RBFOX3: variants seen among roughly 807,000 people sequenced by gnomAD.
The protein encoded by RBFOX3 is RNA binding fox-1 homolog 3, also known as RNA binding protein fox-1 homolog 3.
Under a neutral mutation model 48.7 loss-of-function variants are expected in RBFOX3, and 17 were observed. The ratio of observed to expected loss-of-function variants is 0.35; its 90% CI spans 0.24 to 0.52. The LOEUF (loss-of-function observed/expected upper bound fraction) is 0.52, where lower values mean the gene tolerates loss of function less well. Ranked by LOEUF, RBFOX3 falls within the 20% of genes least tolerant of loss-of-function variation. The pLI is 0.94. For synonymous variants in RBFOX3, 212 were observed against 209.5 expected (o/e 1.01, Z -0.10); for missense variants, 382 against 497.5 (o/e 0.77, Z 2.21).
At chr17:79,431,487 A>T (rs1298309201) in intron 2 of RBFOX3, among the ~76,000 whole-genome samples, 1 of 121,420 alleles carries the variant, frequency 8.2e-6, no homozygotes, top group African/African-American at 3.2e-5. Context: ...TGCCTGGCTA[A>T]TTTTTTTTTT....
chr17:79,201,091 T>TAACAACAACAACGAC (rs913812451), intron 4 of RBFOX3, among the ~76,000 whole-genome samples: 18 of 148,176 alleles, frequency 1.2e-4, no homozygotes, highest in Non-Finnish European at 2.2e-4. Flanking sequence ...CATCACTTCT[T>TAACAACAACAACGAC]AACAACAACA....
intron 2 of RBFOX3, among the ~76,000 whole-genome samples, chr17:79,406,916 C>T (rs368746917): frequency 5.3e-5 from 8 of 152,334 alleles, no homozygotes; most frequent in African/African-American, 9.6e-5. Context: ...TGGATCTGCA[C>T]GGACTTCCAT....
chr17:79,101,107 G>A (rs2146451820), intron 9 of RBFOX3, among the ~76,000 whole-genome samples: 1 of 152,296 alleles, frequency 6.6e-6, no homozygotes, highest in South Asian at 2.1e-4. Context: ...CTGTTTTGCA[G>A]ATGAAGAGAC....
intron 5 of RBFOX3, 26 bp from the exon 6 acceptor site, chr17:79,106,814 A>G: frequency 6.7e-7 from 1 of 1,489,410 alleles, no homozygotes; most frequent in Non-Finnish European, 8.9e-7. Context: ...TGGGCTGTGG[A>G]GGCTGCCTCT....
chr17:79,495,864 A>G (rs1489693050), intron 1 of RBFOX3, among the ~76,000 whole-genome samples: 1 of 151,632 alleles, frequency 6.6e-6, no homozygotes, highest in Non-Finnish European at 1.5e-5. Flanking sequence ...GTTAAGGCAG[A>G]GGCCCCTGTG....
chr17:79,273,568 T>TGG (rs34392209), intron 3 of RBFOX3, among the ~76,000 whole-genome samples: 763 of 65,396 alleles, frequency 0.012, 5 homozygotes, highest in Admixed American at 0.02. Context: ...AACAGTGCTC[T>TGG]GGGGGGGGCG....
At chr17:79,543,274 G>T (rs1555790883) in intron 1 of RBFOX3, among the ~76,000 whole-genome samples, 1 of 152,134 alleles carries the variant, frequency 6.6e-6, no homozygotes, top group East Asian at 1.9e-4. Flanking sequence ...GACGTTACAG[G>T]TGCGAGTTTG....
intron 4 of RBFOX3, among the ~76,000 whole-genome samples, chr17:79,170,560 C>T (rs1375349475): frequency 1.3e-5 from 2 of 152,130 alleles, no homozygotes; most frequent in Non-Finnish European, 2.9e-5. Context: ...CAGAAACCAG[C>T]TGTTCTACAG....
chr17:79,101,528 G>A (rs1250534383), intron 9 of RBFOX3, 56 bp downstream of exon 9: 31 of 1,457,578 alleles, frequency 2.1e-5, no homozygotes, highest in Non-Finnish European at 2.8e-5. Context: ...GCTCCCCCAG[G>A]GCCTCTGTCC....
chr17:79,484,699 C>T (rs797037649), intron 1 of RBFOX3, among the ~76,000 whole-genome samples: 5 of 152,046 alleles, frequency 3.3e-5, no homozygotes, highest in East Asian at 3.9e-4. Flanking sequence ...AGAAAGCAGG[C>T]GGCAGGCTTC....
chr17:79,386,073 A>G (rs544960523), intron 2 of RBFOX3, among the ~76,000 whole-genome samples: 1 of 146,654 alleles, frequency 6.8e-6, no homozygotes, highest in South Asian at 2.2e-4. Flanking sequence ...ATCACCCTCC[A>G]TTGCAGACAG....
chr17:79,572,765 G>A (rs1279509625), intron 1 of RBFOX3, among the ~76,000 whole-genome samples: 4 of 152,326 alleles, frequency 2.6e-5, no homozygotes, highest in African/African-American at 9.6e-5. Flanking sequence ...AAAGACCTGG[G>A]GAAGCTCAGC....
At chr17:79,177,323 C>T (rs1391353809) in intron 4 of RBFOX3, among the ~76,000 whole-genome samples, 1 of 152,224 alleles carries the variant, frequency 6.6e-6, no homozygotes, top group African/African-American at 2.4e-5. Flanking sequence ...GCTATCTTGG[C>T]CTCCACCTCC....
intron 4 of RBFOX3, among the ~76,000 whole-genome samples, chr17:79,215,711 G>T (rs2058948472): frequency 6.6e-6 from 1 of 152,262 alleles, no homozygotes; most frequent in Non-Finnish European, 1.5e-5. Flanking sequence ...ACGTAGCCCA[G>T]CAGGAGCGTA....
At chr17:79,579,081 G>C (rs2092958179) in intron 1 of RBFOX3, among the ~76,000 whole-genome samples, 1 of 152,168 alleles carries the variant, frequency 6.6e-6, no homozygotes, top group South Asian at 2.1e-4. Flanking sequence ...TTCTGAACAG[G>C]ACGGGCCTTT....
chr17:79,118,994 T>TAA (rs1343202488), intron 4 of RBFOX3, among the ~76,000 whole-genome samples: 1 of 133,952 alleles, frequency 7.5e-6, no homozygotes, highest in African/African-American at 2.7e-5. Context: ...AAAAAAAAAA[T>TAA]AAAGAAAATA....
intron 1 of RBFOX3, among the ~76,000 whole-genome samples, chr17:79,536,946 A>G (rs1445066171): frequency 6.6e-6 from 1 of 152,040 alleles, no homozygotes; most frequent in Non-Finnish European, 1.5e-5. Context: ...TTAGCTGGGC[A>G]TGGTGGCGAG....
intron 4 of RBFOX3, among the ~76,000 whole-genome samples, chr17:79,165,438 C>A (rs1171728871): frequency 6.6e-6 from 1 of 152,132 alleles, no homozygotes; most frequent in Non-Finnish European, 1.5e-5. Flanking sequence ...GAGGGGGTGC[C>A]TGGGGAGGCC....
chr17:79,422,487 G>T (rs1394936056), intron 2 of RBFOX3, among the ~76,000 whole-genome samples: 1 of 152,120 alleles, frequency 6.6e-6, no homozygotes, highest in African/African-American at 2.4e-5. Flanking sequence ...TTTCACCCAG[G>T]GCTTCCCGGC....
Sources: gnomAD v4.1 joint callset for allele counts (sites outside exome capture counted in the v4.1 genomes callset) on GRCh38, gnomAD v4.1.1 for gene constraint, MANE v1.5 for transcripts, NCBI Gene and HGNC (gene_info 2026-07-23, HGNC 2026-07-21) for gene names.